The following BRSK2 variants were observed in gnomAD, a reference collection of about 807,000 sequenced individuals.
BRSK2 encodes serine/threonine-protein kinase BRSK2.
BRSK2 carries 19 observed loss-of-function variants against 83.3 expected under a neutral mutation model. The ratio of observed to expected loss-of-function variants is 0.23; its 90% CI spans 0.16 to 0.33. BRSK2 has a LOEUF of 0.33. Among genes scored for constraint, BRSK2 ranks in the 10% least tolerant of loss-of-function variants. The pLI, the probability that BRSK2 is intolerant of heterozygous loss-of-function variation, is 1.00. For synonymous variants in BRSK2, 519 were observed against 435.4 expected, an observed-to-expected ratio of 1.19 and a Z score of -2.39; for missense variants, 798 against 1,042.3, an observed-to-expected ratio of 0.77 and a Z score of 3.23.
At chr11:1,460,351 A>C in intron 19 of BRSK2, 149 bp from the exon 20 acceptor site, 2 of 908,872 alleles carry the variant, frequency 2.2e-6, no homozygotes, top group Non-Finnish European at 3.1e-6. Context: ...TCTCAGCCTC[A>C]TCTCTGGGTT....
At position 1,445,334 on chromosome 11, in the gene BRSK2, C is replaced by T. The variant is rs1015139726; in HGVS notation, c.853C>T (p.Arg285Cys). ...GCCCGAACCAGAGCAGCCCATTCCT[C>T]GCAAGGTGCAGATCCGCTCGCTGCC... ...NEPEPEQPIP[R>C]KVQIRSLPSL... is the part of the protein sequence containing the mutation. Residue 285 changes from arginine (R) to cysteine (C), a missense_variant, in exon 10 of 20, where the codon CGC becomes TGC. This residue lies in a region of BRSK2 where 145 missense variants were observed against 225.4 expected (regional missense o/e 0.64). Transcript: ENST00000528841. 2.5e-6 allele frequency: 4 copies of T among 1,611,420 alleles called. No individual in the cohort carries two copies. Among genetic ancestry groups the T allele is most frequent in the Admixed American group, 1.7e-5 (1 of 59,930 alleles).
chr11:1,418,569 G>T (rs1385590836), intron 1 of BRSK2, among the ~76,000 whole-genome samples: 1 of 149,128 alleles, frequency 6.7e-6, no homozygotes, highest in Admixed American at 6.6e-5. Flanking sequence ...TTGAGAGTGG[G>T]TCACCTGTGT....
At chr11:1,392,518 C>T (rs1341036787) in intron 1 of BRSK2, among the ~76,000 whole-genome samples, 1 of 152,190 alleles carries the variant, frequency 6.6e-6, no homozygotes, top group Non-Finnish European at 1.5e-5. Context: ...CTTGAGGTGG[C>T]CACTGAGAGG....
intron 19 of BRSK2, 22 bp from the exon 20 acceptor site, chr11:1,460,478 T>G (rs759636586): frequency 4.7e-5 from 54 of 1,143,870 alleles, no homozygotes; most frequent in African/African-American, 1.9e-4. Context: ...TTTTTTTTTT[T>G]GTCTCTGTTC....
chr11:1,457,884 TGGA>T lies in BRSK2; in HGVS notation c.1939+1202_1939+1204del, dbSNP rs1296465553. On this transcript the variant is annotated intron_variant, in intron 18 of 19. Coordinates refer to ENST00000528841, the MANE Select transcript of BRSK2 (RefSeq NM_001256627.2). ...TGGCCCTAACCGAAGCCCCAGTGGG[TGGA>T]GGAGTAGCCCCCTTCTCCTGATTTT... 4.5e-4 allele frequency among the ~76,000 whole-genome samples: 68 copies of T among 151,948 alleles called. 2 individuals are homozygous for T. Among genetic ancestry groups the T allele is most frequent in the Admixed American group, 3.9e-3 (59 of 15,268 alleles).
At chr11:1,393,764 C>T (rs548121515) in intron 1 of BRSK2, among the ~76,000 whole-genome samples, 3 of 152,266 alleles carry the variant, frequency 2.0e-5, no homozygotes, top group African/African-American at 7.2e-5. Context: ...AAGCTGGAGG[C>T]AGATGTGGAG....
intron 1 of BRSK2, chr11:1,411,719 C>T (rs112544636): frequency 0.22 from 340,345 of 1,514,594 alleles, 42,046 homozygotes; most frequent in Non-Finnish European, 0.26. Flanking sequence ...ACGGCAGGGA[C>T]GGGGGACCTC....
intron 1 of BRSK2, among the ~76,000 whole-genome samples, chr11:1,403,364 G>A (rs947055559): frequency 6.6e-6 from 1 of 152,226 alleles, no homozygotes; most frequent in African/African-American, 2.4e-5. Flanking sequence ...ACCGGTCACT[G>A]TGGGGTCCTC....
intron 12 of BRSK2, among the ~76,000 whole-genome samples, chr11:1,446,379 A>G (rs868380152): frequency 8.4e-6 from 1 of 118,370 alleles, no homozygotes; most frequent in South Asian, 2.9e-4. Flanking sequence ...TGAGCTGGGC[A>G]GGGCTGGGCT....
At chr11:1,442,710 C>T (rs1013080599) in intron 5 of BRSK2, 104 bp downstream of exon 5, 2 of 929,426 alleles carry the variant, frequency 2.2e-6, no homozygotes, top group African/African-American at 3.3e-5. Flanking sequence ...CCTCCCGGCA[C>T]CCCACAGGCA....
chr11:1,444,931 C>T (rs760050265), intron 8 of BRSK2, 40 bp from the exon 9 acceptor site: 11 of 1,597,578 alleles, frequency 6.9e-6, no homozygotes, highest in African/African-American at 4.0e-5. Flanking sequence ...CTCTTTCCGT[C>T]CCTCGTCCGT....
Position 1,390,925 on chromosome 11 carries a change from T to C in BRSK2, c.91+550T>C, listed in dbSNP as rs926022473. Reference sequence around the variant, plus strand: ...AGGGCTGGACAGCGCCTTGCGCTGCTCCGGCTCGGGCTCGGGCGGGCGGAG... The same window carrying C: ...AGGGCTGGACAGCGCCTTGCGCTGCCCCGGCTCGGGCTCGGGCGGGCGGAG... On this transcript the variant is annotated intron_variant, in intron 1 of 19. Transcript: ENST00000528841. The surrounding 1 kb of genome is among the most constrained non-coding windows in gnomAD (Gnocchi z 6.8). 1.3e-5 allele frequency among the ~76,000 whole-genome samples: 2 copies of C among 152,130 alleles called. No homozygotes were observed. The highest frequency in any genetic ancestry group is 4.8e-5 in the African/African-American group (2 of 41,452).
chr11:1,461,877 C>A lies in BRSK2; in HGVS notation c.*1154C>A, dbSNP rs1284316827. 1 of 93,542 alleles carries A rather than the reference C, an allele frequency of 1.1e-5. No individual in the cohort carries two copies. The highest frequency in any genetic ancestry group is 2.2e-5 in the Non-Finnish European group (1 of 44,834). The allele number at this position is 93,542 out of a possible 1,614,324, so 5.8% of individuals were successfully genotyped here. A position where few individuals can be genotyped will look rare whatever the true frequency, so the allele number is the denominator to read the frequency against. On this transcript the variant is annotated 3_prime_UTR_variant, in exon 20 of 20. Transcript: ENST00000528841. Reference sequence around the variant, plus strand: ...CTAAAGACGGTGCGGCTCGCTCTGTCATGGGTTCCGTCTCTCTGTGGAGAA... The same window carrying A: ...CTAAAGACGGTGCGGCTCGCTCTGTAATGGGTTCCGTCTCTCTGTGGAGAA...
intron 1 of BRSK2, among the ~76,000 whole-genome samples, chr11:1,405,826 T>A (rs1487027761): frequency 6.6e-6 from 1 of 152,120 alleles, no homozygotes; most frequent in Non-Finnish European, 1.5e-5. Flanking sequence ...CCTACCTGCG[T>A]GGCAGTGACC....
At chr11:1,406,905 T>G (rs1348137052) in intron 1 of BRSK2, among the ~76,000 whole-genome samples, 23 of 152,176 alleles carry the variant, frequency 1.5e-4, no homozygotes, top group Non-Finnish European at 2.9e-5. Context: ...TGTGTCTGTG[T>G]GCGTGTGTGT....
At chr11:1,396,356 CAG>C (rs1351961919) in intron 1 of BRSK2, among the ~76,000 whole-genome samples, 2 of 152,202 alleles carry the variant, frequency 1.3e-5, no homozygotes, top group Admixed American at 1.3e-4. Flanking sequence ...CCCAGGACAC[CAG>C]AGTTGCTCGG....
At chr11:1,455,038 C>T (rs1206419807) in intron 16 of BRSK2, among the ~76,000 whole-genome samples, 1 of 152,128 alleles carries the variant, frequency 6.6e-6, no homozygotes, top group Non-Finnish European at 1.5e-5. Flanking sequence ...ACAGCCCCAG[C>T]CCTCAGGTGT....
chr11:1,450,799 G>A lies in BRSK2; in HGVS notation c.1495+5G>A. ...TCCACCGCCGGAAACTGCAAGGTGA[G>A]TGTCTGCCCGGAGGCGCCAGAGTGG... On this transcript the variant is annotated splice_donor_5th_base_variant and intron_variant, in intron 14 of 19. Coordinates refer to ENST00000528841, the MANE Select transcript of BRSK2 (RefSeq NM_001256627.2). 1 of 1,588,764 alleles carries A rather than the reference G, an allele frequency of 6.3e-7. No homozygotes were observed. Among genetic ancestry groups the A allele is most frequent in the Non-Finnish European group, 8.5e-7 (1 of 1,171,246 alleles).
At position 1,448,308 on chromosome 11, in the gene BRSK2, C is replaced by T. The variant is rs1373430754; in HGVS notation, c.1227-1468C>T. On this transcript the variant is annotated intron_variant, in intron 12 of 19. Coordinates refer to ENST00000528841, the MANE Select transcript of BRSK2 (RefSeq NM_001256627.2). ...GGGCCTCTACCTGGGGCCAGTTTTGCGAGCCTGGGCGGGTGGCGCCGCCCC... is the reference window on the plus strand; with the variant it reads ...GGGCCTCTACCTGGGGCCAGTTTTGTGAGCCTGGGCGGGTGGCGCCGCCCC... Among the ~76,000 whole-genome samples the T allele has an allele frequency of 3.3e-5, 5 of 152,182 alleles. No homozygotes were observed. The East Asian group carries it at 5.8e-4, about 18-fold the overall frequency.
Sources: gnomAD v4.1 joint callset for allele counts (sites outside exome capture counted in the v4.1 genomes callset) on GRCh38, gnomAD v4.1.1 for gene constraint, gnomAD v4.1.1 regional missense constraint, Gnocchi (gnomAD v3.1) non-coding constraint, MANE v1.5 for transcripts, NCBI Gene and HGNC (gene_info 2026-07-23, HGNC 2026-07-21) for gene names.